Variants in FHIT observed in about 807,000 individuals in gnomAD.
FHIT encodes the protein bis(5'-adenosyl)-triphosphatase.
In FHIT, 19 loss-of-function variants were observed where a neutral mutation model predicts 17.9. The observed-to-expected ratio is 1.06, with a 90% CI of 0.74 to 1.56. FHIT has a LOEUF of 1.56. Ranked by LOEUF, FHIT falls within the 40% of genes most tolerant of loss-of-function variation. The probability of loss-of-function intolerance (pLI) is 0.00; values close to 1 mark genes in which losing one functional copy is unlikely to be tolerated. For synonymous variants in FHIT, 81 were observed against 69.7 expected (o/e 1.16, Z -0.81); for missense variants, 248 against 189.2 (o/e 1.31, Z -1.82).
chr3:59,945,468 T>C (rs1240336290), intron 7 of FHIT, among the ~76,000 whole-genome samples: 2 of 152,162 alleles, frequency 1.3e-5, no homozygotes, highest in Admixed American at 1.3e-4. Flanking sequence ...ATTCTCTAGG[T>C]TGTCTGTTTA....
intron 5 of FHIT, among the ~76,000 whole-genome samples, chr3:60,265,602 G>A (rs1486392283): frequency 6.6e-6 from 1 of 151,934 alleles, no homozygotes; most frequent in Admixed American, 6.6e-5. Flanking sequence ...GTAAAAGTTT[G>A]TATTTTGAAG....
chr3:59,828,268 C>T (rs540114674), intron 8 of FHIT, among the ~76,000 whole-genome samples: 1 of 152,264 alleles, frequency 6.6e-6, no homozygotes, highest in African/African-American at 2.4e-5. Context: ...AAAGAGAAAG[C>T]AGTAAAACAC....
At chr3:60,689,677 A>T (rs1390956803) in intron 4 of FHIT, among the ~76,000 whole-genome samples, 1 of 152,166 alleles carries the variant, frequency 6.6e-6, no homozygotes, top group Non-Finnish European at 1.5e-5. Context: ...GAATATTAAT[A>T]TTTGTTGAAC....
At position 60,082,229 on chromosome 3, in the gene FHIT, G is replaced by T. The variant is rs114925401; in HGVS notation, c.104-68077C>A. ...TATAAGAGAGAACATGTAGTATTTG[G>T]TTTTCTGTTCCTGTGTTAATTTGCT... On this transcript the variant is annotated intron_variant, in intron 5 of 9. Coordinates refer to ENST00000492590, the MANE Select transcript of FHIT (RefSeq NM_002012.4). 8.7e-3 allele frequency among the ~76,000 whole-genome samples: 1,181 copies of T among 136,456 alleles called. 16 individuals carry two copies. The highest frequency in any genetic ancestry group is 0.032 in the African/African-American group (1,104 of 34,236). 89.5% of individuals were successfully genotyped at this position (136,456 alleles called of 152,430 possible). A position where few individuals can be genotyped will look rare whatever the true frequency, so the allele number is the denominator to read the frequency against.
chr3:61,232,059 C>A (rs1469569454), intron 1 of FHIT, among the ~76,000 whole-genome samples: 1 of 152,108 alleles, frequency 6.6e-6, no homozygotes, highest in African/African-American at 2.4e-5. Flanking sequence ...ACAAATAAGG[C>A]AATACAAGAC....
intron 5 of FHIT, among the ~76,000 whole-genome samples, chr3:60,170,152 T>C (rs1019545487): frequency 3.3e-5 from 5 of 152,180 alleles, no homozygotes; most frequent in Non-Finnish European, 7.3e-5. Flanking sequence ...CCAAGGACTT[T>C]TGTTGAAACC....
chr3:60,880,079 A>T (rs1455230323), intron 3 of FHIT, among the ~76,000 whole-genome samples: 1 of 152,188 alleles, frequency 6.6e-6, no homozygotes, highest in Admixed American at 6.5e-5. Context: ...TGCACATTAT[A>T]GTTCAATTGT....
At chr3:60,883,907 T>G (rs1705087976) in intron 3 of FHIT, among the ~76,000 whole-genome samples, 1 of 152,046 alleles carries the variant, frequency 6.6e-6, no homozygotes, top group African/African-American at 2.4e-5. Context: ...AAGGAGACAA[T>G]CAACAGAATG....
chr3:60,074,413 T>C (rs1278511872), intron 5 of FHIT, among the ~76,000 whole-genome samples: 1 of 152,078 alleles, frequency 6.6e-6, no homozygotes, highest in Admixed American at 6.6e-5. Flanking sequence ...CTGTATTCTC[T>C]CCCTTATTAT....
At chr3:60,770,885 C>T (rs2108073925) in intron 4 of FHIT, among the ~76,000 whole-genome samples, 1 of 152,340 alleles carries the variant, frequency 6.6e-6, no homozygotes, top group African/African-American at 2.4e-5. Context: ...TAAATTAGAG[C>T]CCATTCTATT....
At position 60,143,274 on chromosome 3, in the gene FHIT, T is replaced by A. The variant is rs1007551251; in HGVS notation, c.104-129122A>T. ...TATATGGCCTCTGGGGCCACACGTA[T>A]TTCCCCACCTCTTCAGTCAAAGCTT... On this transcript the variant is annotated intron_variant, in intron 5 of 9. Transcript: ENST00000492590. Among the ~76,000 whole-genome samples, 11 of 152,174 alleles carry A rather than the reference T, an allele frequency of 7.2e-5. 1 individual carries two copies. The highest frequency in any genetic ancestry group is 3.9e-4 in the Admixed American group (6 of 15,274).
chr3:60,467,841 G>T (rs779579043), intron 5 of FHIT, among the ~76,000 whole-genome samples: 3 of 152,082 alleles, frequency 2.0e-5, no homozygotes, highest in Non-Finnish European at 4.4e-5. Context: ...GGTCTGTACT[G>T]CAGATTAAGT....
intron 8 of FHIT, among the ~76,000 whole-genome samples, chr3:59,895,692 C>T (rs958439543): frequency 6.6e-6 from 1 of 152,252 alleles, no homozygotes; most frequent in Non-Finnish European, 1.5e-5. Context: ...TCATCAACAT[C>T]TCTAATGAGT....
rs79117370 is a variant in FHIT at position 60,063,261 on chromosome 3, A to T, written c.104-49109T>A. Among the ~76,000 whole-genome samples, 1,504 of 152,314 alleles carry T rather than the reference A, an allele frequency of 9.9e-3. 28 individuals carry two copies. The highest frequency in any genetic ancestry group is 0.033 in the African/African-American group (1,356 of 41,562). ...TCCCGACTGACATCTGGTCTACAAG[A>T]TCAACTTTCTGGCAATACGGTAAAT... is the stretch of plus-strand genomic sequence containing the variant. On this transcript the variant is annotated intron_variant, in intron 5 of 9. Coordinates refer to ENST00000492590, the MANE Select transcript of FHIT (RefSeq NM_002012.4).
At chr3:60,619,469 G>C (rs782072992) in intron 4 of FHIT, among the ~76,000 whole-genome samples, 1 of 151,998 alleles carries the variant, frequency 6.6e-6, no homozygotes, top group Non-Finnish European at 1.5e-5. Context: ...GACTTCAAGA[G>C]TTAGAACAAA....
chr3:60,457,264 A>C (rs2032162206), intron 5 of FHIT, among the ~76,000 whole-genome samples: 1 of 152,150 alleles, frequency 6.6e-6, no homozygotes, highest in Non-Finnish European at 1.5e-5. Context: ...CAGAGCCCTC[A>C]GAAATAATGT....
intron 4 of FHIT, among the ~76,000 whole-genome samples, chr3:60,757,885 G>C (rs184152753): frequency 1.8e-4 from 28 of 152,308 alleles, no homozygotes; most frequent in Admixed American, 7.2e-4. Context: ...GAGTTTGGAA[G>C]ATAGCACTTG....
At chr3:60,694,186 A>C (rs2041060654) in intron 4 of FHIT, among the ~76,000 whole-genome samples, 1 of 152,066 alleles carries the variant, frequency 6.6e-6, no homozygotes, top group Non-Finnish European at 1.5e-5. Context: ...TAAGATGCTG[A>C]CCTTTACTGT....
intron 3 of FHIT, among the ~76,000 whole-genome samples, chr3:60,905,672 A>T (rs1706371651): frequency 6.6e-6 from 1 of 152,220 alleles, no homozygotes; most frequent in East Asian, 1.9e-4. Context: ...AATGAGGAGG[A>T]TCTTTATAAA....
Sources: gnomAD v4.1 joint callset for allele counts (sites outside exome capture counted in the v4.1 genomes callset) on GRCh38, gnomAD v4.1.1 for gene constraint, MANE v1.5 for transcripts, NCBI Gene and HGNC (gene_info 2026-07-23, HGNC 2026-07-21) for gene names.